Variants in SNTG2 observed in about 807,000 individuals in gnomAD.
SNTG2 encodes syntrophin gamma 2.
In SNTG2, 74 loss-of-function variants were observed where a neutral mutation model predicts 70.9. The ratio of observed to expected loss-of-function variants is 1.04; its 90% CI spans 0.86 to 1.27. SNTG2 has a LOEUF of 1.27. Ranked by LOEUF, SNTG2 falls within the 50% of genes most tolerant of loss-of-function variation. The pLI, the probability that SNTG2 is intolerant of heterozygous loss-of-function variation, is 0.00. For synonymous variants in SNTG2, 278 were observed against 273.8 expected (o/e 1.02, Z -0.15); for missense variants, 717 against 690.7 (o/e 1.04, Z -0.43).
chr2:1,065,371 T>C (rs914053247), intron 1 of SNTG2, among the ~76,000 whole-genome samples: 2 of 152,080 alleles, frequency 1.3e-5, no homozygotes, highest in Admixed American at 1.3e-4. Context: ...CATGATTACA[T>C]TGAGATGAGA....
intron 1 of SNTG2, among the ~76,000 whole-genome samples, chr2:1,001,831 A>G (rs1008920880): frequency 1.3e-5 from 2 of 152,148 alleles, no homozygotes; most frequent in South Asian, 4.1e-4. Context: ...AAAAGAACAA[A>G]GCTGGAGGTA....
At chr2:1,251,709 ACAC>A (rs1298657331) in intron 12 of SNTG2, among the ~76,000 whole-genome samples, 1 of 141,244 alleles carries the variant, frequency 7.1e-6, no homozygotes, top group Admixed American at 7.1e-5. Flanking sequence ...CACACCACAC[ACAC>A]AACACAAATA....
chr2:1,251,492 C>T (rs972353353), intron 12 of SNTG2, among the ~76,000 whole-genome samples: 11 of 147,596 alleles, frequency 7.5e-5, no homozygotes, highest in African/African-American at 1.7e-4. Flanking sequence ...ACACACCACA[C>T]GCACACCACA....
In SNTG2 at chr2:1,288,222, T is replaced by C. The variant is rs534385823; in HGVS notation, c.1285-20272T>C. 9.8e-5 allele frequency among the ~76,000 whole-genome samples: 15 copies of C among 152,288 alleles called. No individual in the cohort carries two copies. In the South Asian group the frequency reaches 3.1e-3, roughly 32 times the overall value. ...CTTATGTTCTAGGCCTTGGAGAACC[T>C]ACAGTGAACAAAACAGACAATTCTC... is the stretch of plus-strand genomic sequence containing the variant. On this transcript the variant is annotated intron_variant, in intron 14 of 16. Transcript: ENST00000308624.
intron 9 of SNTG2, among the ~76,000 whole-genome samples, chr2:1,224,865 T>A (rs1269118018): frequency 6.6e-6 from 1 of 152,186 alleles, no homozygotes; most frequent in African/African-American, 2.4e-5. Flanking sequence ...ATAACTCAGG[T>A]CACAAGAGTG....
At chr2:1,182,879 A>G (rs1672009149) in intron 8 of SNTG2, among the ~76,000 whole-genome samples, 1 of 152,142 alleles carries the variant, frequency 6.6e-6, no homozygotes, top group Admixed American at 6.5e-5. Flanking sequence ...CAGCCTTCCC[A>G]GTAGCTGGGG....
At chr2:1,010,583 G>GA (rs1659701696) in intron 1 of SNTG2, among the ~76,000 whole-genome samples, 1 of 152,236 alleles carries the variant, frequency 6.6e-6, no homozygotes, top group Non-Finnish European at 1.5e-5. Context: ...TTAAATGCTT[G>GA]CAAAACACAC....
At chr2:1,138,533 A>G (rs1017338948) in intron 6 of SNTG2, among the ~76,000 whole-genome samples, 2 of 152,080 alleles carry the variant, frequency 1.3e-5, no homozygotes, top group African/African-American at 2.4e-5. Context: ...AGGTGGAGAC[A>G]GTATTACAGC....
chr2:986,511 T>TA (rs1293499281), intron 1 of SNTG2, among the ~76,000 whole-genome samples: 1 of 152,156 alleles, frequency 6.6e-6, no homozygotes, highest in Non-Finnish European at 1.5e-5. Flanking sequence ...CATGGTTAGT[T>TA]AAAAAGGGAA....
intron 1 of SNTG2, among the ~76,000 whole-genome samples, chr2:1,034,493 C>T (rs1661023256): frequency 6.6e-6 from 1 of 152,120 alleles, no homozygotes; most frequent in Non-Finnish European, 1.5e-5. Context: ...ATGGCTGGGT[C>T]AAATGGTAGT....
intron 4 of SNTG2, among the ~76,000 whole-genome samples, chr2:1,112,475 C>T (rs1489137674): frequency 6.6e-6 from 1 of 151,552 alleles, no homozygotes; most frequent in Non-Finnish European, 1.5e-5. Context: ...AGGTTTAAAC[C>T]TCACAGTCCT....
At chr2:1,191,372 T>A (rs987642496) in intron 8 of SNTG2, among the ~76,000 whole-genome samples, 2 of 152,202 alleles carry the variant, frequency 1.3e-5, no homozygotes, top group Non-Finnish European at 2.9e-5. Flanking sequence ...CCCCAGATTT[T>A]ATCATCATTG....
At chr2:1,232,718 T>G (rs2148081638) in intron 9 of SNTG2, among the ~76,000 whole-genome samples, 1 of 152,288 alleles carries the variant, frequency 6.6e-6, no homozygotes, top group Non-Finnish European at 1.5e-5. Context: ...GTAGAAAAAA[T>G]ATATTTTTCT....
chr2:1,264,364 C>G (rs1368407104), intron 13 of SNTG2, among the ~76,000 whole-genome samples: 1 of 152,198 alleles, frequency 6.6e-6, no homozygotes, highest in Non-Finnish European at 1.5e-5. Context: ...ATTTCTCTCT[C>G]CAGTAAATTG....
chr2:1,022,651 C>T (rs990025843), intron 1 of SNTG2, among the ~76,000 whole-genome samples: 46 of 152,138 alleles, frequency 3.0e-4, no homozygotes, highest in Admixed American at 2.4e-3. Context: ...GTGAAGCCCC[C>T]GAGTTTTTGT....
chr2:968,012 G>A (rs1660625958), intron 1 of SNTG2, among the ~76,000 whole-genome samples: 1 of 151,404 alleles, frequency 6.6e-6, no homozygotes, highest in Admixed American at 6.6e-5. Flanking sequence ...GCAACAGAGC[G>A]AGACTCTGTC....
Position 1,364,485 on chromosome 2 carries a change from G to A in SNTG2, c.1489-2858G>A, listed in dbSNP as rs567962594. On this transcript the variant is annotated intron_variant, in intron 16 of 16. Transcript: ENST00000308624. ...TAAAACCAAAACCCTGGCCGGGCGC[G>A]GTGGCTCACGCCTGTAATCCCAGCA... Among the ~76,000 whole-genome samples the A allele has an allele frequency of 1.4e-4, 22 of 151,900 alleles. 1 individual carries two copies. The highest frequency in any genetic ancestry group is 8.3e-4 in the South Asian group (4 of 4,792).
intron 14 of SNTG2, among the ~76,000 whole-genome samples, chr2:1,293,909 C>A (rs960904145): frequency 6.6e-6 from 1 of 152,090 alleles, no homozygotes; most frequent in Non-Finnish European, 1.5e-5. Flanking sequence ...TTTGGTTGAT[C>A]CGAAACTGGA....
At chr2:1,203,684 ATATATATGTGTGTGTGTG>A (rs1673441710) in intron 8 of SNTG2, among the ~76,000 whole-genome samples, 1 of 145,192 alleles carries the variant, frequency 6.9e-6, no homozygotes, top group Non-Finnish European at 1.5e-5. Context: ...ATATATATAT[ATATATATGTGTGTGTGTG>A]TGTGTGTGTG....
Sources: gnomAD v4.1 joint callset for allele counts (sites outside exome capture counted in the v4.1 genomes callset) on GRCh38, gnomAD v4.1.1 for gene constraint, MANE v1.5 for transcripts, NCBI Gene and HGNC (gene_info 2026-07-23, HGNC 2026-07-21) for gene names.